The following SRBD1 variants were observed in gnomAD, a reference collection of about 807,000 sequenced individuals.
SRBD1 encodes the protein S1 RNA-binding domain-containing protein 1.
SRBD1 carries 88 observed loss-of-function variants against 115.3 expected under a neutral mutation model. The observed-to-expected ratio is 0.76, with a 90% CI of 0.64 to 0.91. The LOEUF (loss-of-function observed/expected upper bound fraction) is 0.91, where lower values mean the gene tolerates loss of function less well. Among genes scored for constraint, SRBD1 ranks in the 40% least tolerant of loss-of-function variants. The pLI is 0.00. For synonymous variants in SRBD1, 509 were observed against 407.7 expected (o/e 1.25, Z -2.99); for missense variants, 1,385 against 1,177.4 (o/e 1.18, Z -2.58).
intron 16 of SRBD1, among the ~76,000 whole-genome samples, chr2:45,474,496 G>T (rs11900690): frequency 6.6e-6 from 1 of 152,150 alleles, no homozygotes; most frequent in African/African-American, 2.4e-5. Flanking sequence ...CTATCTCCCA[G>T]CCTCTCTGGC....
chr2:45,516,390 C>T (rs937038629), intron 14 of SRBD1, among the ~76,000 whole-genome samples: 2 of 152,136 alleles, frequency 1.3e-5, no homozygotes, highest in African/African-American at 4.8e-5. Flanking sequence ...AAAATATGCA[C>T]ATGCAATAAG....
intron 18 of SRBD1, among the ~76,000 whole-genome samples, chr2:45,414,952 A>G (rs769513203): frequency 1.1e-5 from 1 of 94,266 alleles, no homozygotes; most frequent in East Asian, 3.2e-4. Flanking sequence ...TAGTATGTAC[A>G]TACACACACA....
intron 7 of SRBD1, among the ~76,000 whole-genome samples, chr2:45,576,078 C>A (rs1364028670): frequency 1.3e-5 from 2 of 152,190 alleles, no homozygotes; most frequent in Non-Finnish European, 2.9e-5. Flanking sequence ...TCCACCTCCT[C>A]CACCACTTCT....
intron 9 of SRBD1, 33 bp downstream of exon 9, chr2:45,573,174 A>G: frequency 6.5e-7 from 1 of 1,541,506 alleles, no homozygotes; most frequent in Non-Finnish European, 8.7e-7. Flanking sequence ...CATTATTACG[A>G]AATCAGCATG....
chr2:45,394,050 A>C (rs1185347858), intron 19 of SRBD1, among the ~76,000 whole-genome samples: 1 of 152,192 alleles, frequency 6.6e-6, no homozygotes, highest in Non-Finnish European at 1.5e-5. Context: ...ATAGGAGGGG[A>C]TATCAAAAAG....
At chr2:45,500,685 G>A (rs1427949733) in intron 14 of SRBD1, among the ~76,000 whole-genome samples, 2 of 152,058 alleles carry the variant, frequency 1.3e-5, no homozygotes, top group Non-Finnish European at 2.9e-5. Flanking sequence ...CAAAGTGCTG[G>A]GATTACAGGT....
chr2:45,555,968 T>C (rs1226862212), intron 10 of SRBD1, among the ~76,000 whole-genome samples: 2 of 152,178 alleles, frequency 1.3e-5, no homozygotes, highest in Non-Finnish European at 2.9e-5. Flanking sequence ...TATTAATTAA[T>C]ATTACCTTAA....
At chr2:45,563,707 T>C (rs1304035471) in intron 9 of SRBD1, among the ~76,000 whole-genome samples, 1 of 151,902 alleles carries the variant, frequency 6.6e-6, no homozygotes, top group African/African-American at 2.4e-5. Flanking sequence ...TAAGATAAAA[T>C]GGACAAATTC....
At position 45,428,412 on chromosome 2, in the gene SRBD1, G is replaced by A. The variant is rs778583798; in HGVS notation, c.2050-8518C>T. 6.6e-5 allele frequency among the ~76,000 whole-genome samples: 10 copies of A among 152,090 alleles called. No individual in the cohort carries two copies. In the East Asian group the frequency reaches 1.5e-3, roughly 24 times the overall value. ...AAAAAGACAAAAAAGTTAGCTGGGC[G>A]TGGTGGCAAGCGCCTGTAGTCCCAG... On this transcript the variant is annotated intron_variant, in intron 16 of 20. Coordinates refer to ENST00000263736, the MANE Select transcript of SRBD1 (RefSeq NM_018079.5).
intron 16 of SRBD1, among the ~76,000 whole-genome samples, chr2:45,431,672 A>C (rs1247237708): frequency 2.0e-5 from 3 of 152,170 alleles, no homozygotes; most frequent in Non-Finnish European, 2.9e-5. Context: ...GAAATACCTA[A>C]TGTGGATGAT....
chr2:45,523,648 A>C (rs1671355245), intron 14 of SRBD1, among the ~76,000 whole-genome samples: 1 of 151,970 alleles, frequency 6.6e-6, no homozygotes, highest in South Asian at 2.1e-4. Context: ...AAAAAGAAAT[A>C]GACAATCTGA....
intron 4 of SRBD1, among the ~76,000 whole-genome samples, chr2:45,586,196 G>C (rs976784792): frequency 2.0e-5 from 3 of 152,096 alleles, no homozygotes; most frequent in Non-Finnish European, 4.4e-5. Context: ...AACAAACTTT[G>C]GCCCAGCAGC....
intron 9 of SRBD1, chr2:45,567,958 G>C (rs532644491): frequency 6.6e-6 from 1 of 152,290 alleles, no homozygotes; most frequent in Non-Finnish European, 1.5e-5. Flanking sequence ...CACACAGGAA[G>C]ACCCATGGTG....
intron 16 of SRBD1, among the ~76,000 whole-genome samples, chr2:45,470,742 T>C (rs1669624149): frequency 6.6e-6 from 1 of 152,024 alleles, no homozygotes; most frequent in African/African-American, 2.4e-5. Flanking sequence ...TTCTTGGGAG[T>C]AACATCAAGT....
At chr2:45,403,508 G>A (rs983608434) in intron 19 of SRBD1, among the ~76,000 whole-genome samples, 1 of 152,092 alleles carries the variant, frequency 6.6e-6, no homozygotes, top group African/African-American at 2.4e-5. Context: ...TCAGGTGCAA[G>A]GGATAGAGAG....
intron 9 of SRBD1, among the ~76,000 whole-genome samples, chr2:45,572,335 TG>T (rs1673044682): frequency 6.6e-6 from 1 of 152,156 alleles, no homozygotes. Context: ...GTTTCAGTTT[TG>T]CATGATAAAA....
chr2:45,389,289 C>T lies in SRBD1; in HGVS notation c.*21G>A, dbSNP rs779476004. 2.9e-5 allele frequency: 46 copies of T among 1,602,976 alleles called. No homozygotes were observed. The highest frequency in any genetic ancestry group is 3.3e-4 in the Middle Eastern group (2 of 6,004). ...TGTGGAAATGAGAAAATAAAATCAG[C>T]GTCTGGCCTTCGTGGGATACTCATA... On this transcript the variant is annotated 3_prime_UTR_variant, in exon 21 of 21. Transcript: ENST00000263736.
chr2:45,584,405 T>C (rs908694105), intron 5 of SRBD1, among the ~76,000 whole-genome samples: 3 of 152,216 alleles, frequency 2.0e-5, no homozygotes, highest in Non-Finnish European at 4.4e-5. Context: ...CATTGGCAAA[T>C]TGATTCTGCC....
chr2:45,452,025 T>A (rs1428909704), intron 16 of SRBD1, among the ~76,000 whole-genome samples: 1 of 151,970 alleles, frequency 6.6e-6, no homozygotes, highest in Non-Finnish European at 1.5e-5. Flanking sequence ...TTTACATATT[T>A]ATTATACTCC....
Sources: allele counts gnomAD v4.1 joint callset (sites outside exome capture counted in the v4.1 genomes callset), GRCh38; gene constraint gnomAD v4.1.1; transcripts MANE v1.5; gene names NCBI Gene and HGNC (gene_info 2026-07-23, HGNC 2026-07-21).